Variants in CAPN1 observed in about 807,000 individuals in gnomAD.
CAPN1 encodes the protein calpain 1, also known as calpain-1 catalytic subunit.
A neutral mutation model predicts 105.2 loss-of-function variants in CAPN1; 77 were observed. That is an observed-to-expected ratio of 0.73 (90% CI 0.61 to 0.88). CAPN1 has a LOEUF of 0.88. Ranked by LOEUF, CAPN1 falls within the 40% of genes least tolerant of loss-of-function variation. The pLI is 0.00. For synonymous variants in CAPN1, 355 were observed against 388.8 expected (o/e 0.91, Z 1.02); for missense variants, 833 against 976.6 (o/e 0.85, Z 1.96).
chr11:65,203,012 C>T (rs1191735479), intron 10 of CAPN1, among the ~76,000 whole-genome samples: 1 of 152,120 alleles, frequency 6.6e-6, no homozygotes, highest in African/African-American at 2.4e-5. Flanking sequence ...TGGCCTTTTT[C>T]ATTTAGCATA....
intron 10 of CAPN1, among the ~76,000 whole-genome samples, chr11:65,190,658 C>T (rs1196925175): frequency 6.6e-6 from 1 of 152,038 alleles, no homozygotes; most frequent in Non-Finnish European, 1.5e-5. Context: ...TTGGACAGGG[C>T]AAATTCCTTC....
At chr11:65,197,688 A>C (rs1274313954) in intron 10 of CAPN1, among the ~76,000 whole-genome samples, 1 of 152,100 alleles carries the variant, frequency 6.6e-6, no homozygotes, top group Non-Finnish European at 1.5e-5. Flanking sequence ...GGAGTTCGAG[A>C]CCAGCCTGGC....
intron 10 of CAPN1, 150 bp from the exon 11 acceptor site, chr11:65,204,533 C>A: frequency 1.4e-6 from 1 of 731,652 alleles, no homozygotes; most frequent in Non-Finnish European, 2.2e-6. Context: ...CGAGCCTGGC[C>A]CAGCCTGCCC....
chr11:65,183,545 C>A lies in CAPN1; in HGVS notation c.409C>A (p.His137Asn), dbSNP rs771575994. ...NDTLLHRVVPHGQSFQNGYAG... is the reference protein window; with the variant it reads ...NDTLLHRVVPNGQSFQNGYAG... Reference sequence around the variant, plus strand: ...CACCCTCCTGCACCGAGTGGTTCCGCACGGCCAGAGCTTCCAGAATGGCTA... The same window carrying A: ...CACCCTCCTGCACCGAGTGGTTCCGAACGGCCAGAGCTTCCAGAATGGCTA... Residue 137 changes from histidine (H) to asparagine (N), a missense_variant, in exon 4 of 22, where the codon CAC becomes AAC. His to Asn is a moderately conservative substitution (Grantham distance 68). Coordinates refer to ENST00000279247, the MANE Select transcript of CAPN1 (RefSeq NM_005186.4). The A allele has an allele frequency of 1.9e-5, 30 of 1,613,810 alleles. No homozygotes were observed. In the Admixed American group the frequency reaches 4.3e-4, roughly 23 times the overall value.
rs1440292016 is a variant in CAPN1, at chr11:65,186,436, C to T, written c.759+98C>T. On this transcript the variant is annotated intron_variant, in intron 6 of 21. Transcript: ENST00000279247. Reference sequence around the variant, plus strand: ...CCCCACCCAGGCTCCGCTCCAGACCCTGTCCTGCACTTAAGCTTCATCTCT... The same window carrying T: ...CCCCACCCAGGCTCCGCTCCAGACCTTGTCCTGCACTTAAGCTTCATCTCT... 3.8e-6 allele frequency: 4 copies of T among 1,056,078 alleles called. No individual in the cohort carries two copies. The African/African-American group carries it at 6.4e-5, about 17-fold the overall frequency. 65.4% of individuals were successfully genotyped at this position (1,056,078 alleles called of 1,614,324 possible). A position where few individuals can be genotyped will look rare whatever the true frequency, so the allele number is the denominator to read the frequency against.
In CAPN1 at chr11:65,211,488, G is replaced by A. The variant is rs1949049186; in HGVS notation, c.*202G>A. 3.3e-6 allele frequency: 2 copies of A among 602,698 alleles called. No individual in the cohort carries two copies. The highest frequency in any genetic ancestry group is 5.2e-5 in the Admixed American group (2 of 38,658). 37.3% of individuals were successfully genotyped at this position (602,698 alleles called of 1,614,324 possible). ...AACTGTGTGGCCCCTGCCTGTGCCA[G>A]CCATGGGCTCGGGATGGACTCCCTG... On this transcript the variant is annotated 3_prime_UTR_variant, in exon 22 of 22. Coordinates refer to ENST00000279247, the MANE Select transcript of CAPN1 (RefSeq NM_005186.4).
In CAPN1 at chr11:65,187,231, A is replaced by G; in HGVS notation, c.776A>G (p.Asp259Gly). 1 of 1,613,052 alleles carries G rather than the reference A, an allele frequency of 6.2e-7. No individual in the cohort carries two copies. The highest frequency in any genetic ancestry group is 8.5e-7 in the Non-Finnish European group (1 of 1,179,464). Residue 259 changes from aspartate to glycine, a missense_variant, in exon 7 of 22, where the codon GAC (aspartate) becomes GGC (glycine). Physicochemically the swap from Asp to Gly is moderately conservative, Grantham distance 94. Coordinates refer to ENST00000279247, the MANE Select transcript of CAPN1 (RefSeq NM_005186.4). ...TTTCTGCAGATCTCCAGCGTTCTAG[A>G]CATGGAGGCCATCACTTTCAAGAAG... Reference protein sequence around the residue: ...GCSIDISSVLDMEAITFKKLV... With the variant: ...GCSIDISSVLGMEAITFKKLV...
Position 65,186,204 on chromosome 11 carries a change from A to C in CAPN1, c.625A>C (p.Ser209Arg), listed in dbSNP as rs1029669932. 6.2e-7 allele frequency: 1 copy of C among 1,613,582 alleles called. No homozygotes were observed. ...NGSYEALSGG[S>R]TSEGFEDFTG... is the part of the protein sequence containing the mutation. ...CAGCTACGAGGCCCTGTCAGGGGGC[A>C]GCACCTCAGAGGGCTTTGAGGACTT... The change falls in exon 6 of 22, where the codon AGC becomes CGC. Residue 209 changes from serine (S) to arginine (R), a missense_variant. Ser to Arg is a moderately radical substitution (Grantham distance 110). Transcript: ENST00000279247.
intron 6 of CAPN1, among the ~76,000 whole-genome samples, chr11:65,186,554 C>A (rs1387977279): frequency 6.6e-6 from 1 of 152,118 alleles, no homozygotes; most frequent in African/African-American, 2.4e-5. Flanking sequence ...AAACTTCACA[C>A]CTCAGCTCTT....
intron 10 of CAPN1, among the ~76,000 whole-genome samples, chr11:65,201,089 T>C (rs2957876): frequency 0.016 from 2,425 of 150,698 alleles, 55 homozygotes; most frequent in African/African-American, 0.055. Context: ...GGACTACAGG[T>C]GCCCACCACC....
intron 10 of CAPN1, among the ~76,000 whole-genome samples, chr11:65,199,394 C>T (rs944813370): frequency 1.3e-5 from 2 of 152,108 alleles, no homozygotes; most frequent in Admixed American, 6.5e-5. Context: ...CTATACGATT[C>T]ACCATGATGT....
chr11:65,182,791 C>T lies in CAPN1; in HGVS notation c.90C>T (p.Arg30=). 6.3e-7 allele frequency: 1 copy of T among 1,583,954 alleles called. No individual in the cohort carries two copies. The highest frequency in any genetic ancestry group is 8.6e-7 in the Non-Finnish European group (1 of 1,165,600). The change falls in exon 2 of 22, where the codon CGC becomes CGT. Residue 30 remains arginine (R), a synonymous_variant. Transcript: ENST00000279247. The stretch of plus-strand genomic sequence containing the variant: ...GGGCCAGGGAGCTGGGCCTGGGCCG[C>T]CATGAGAATGCCATCAAGTACCTGG... ...KQRARELGLG[R]HENAIKYLGQ... is the part of the protein sequence containing the mutation.
In CAPN1 at chr11:65,205,617, C is replaced by G. The variant is rs938579007; in HGVS notation, c.1342-93C>G. The G allele has an allele frequency of 4.0e-6, 5 of 1,258,044 alleles. No individual in the cohort carries two copies. In the Admixed American group the frequency reaches 6.8e-5, roughly 17 times the overall value. The allele number at this position is 1,258,044 out of a possible 1,614,324, so 77.9% of individuals were successfully genotyped here. A position where few individuals can be genotyped will look rare whatever the true frequency, so the allele number is the denominator to read the frequency against. On this transcript the variant is annotated intron_variant, in intron 11 of 21. Transcript: ENST00000279247. Reference sequence around the variant, plus strand: ...TTCTGCCTCCTTATCCCATCAGTCCCGTCTAAGAACTCAAGACCTCTGCCC... The same window carrying G: ...TTCTGCCTCCTTATCCCATCAGTCCGGTCTAAGAACTCAAGACCTCTGCCC...
Position 65,183,180 on chromosome 11 carries a change from T to A in CAPN1, c.320T>A (p.Ile107Asn). 1 of 1,613,896 alleles carries A rather than the reference T, an allele frequency of 6.2e-7. No homozygotes were observed. The highest frequency in any genetic ancestry group is 8.5e-7 in the Non-Finnish European group (1 of 1,179,830). ...FIVDGATRTD[I>N]CQGALGDCWL... Reference sequence around the variant, plus strand: ...GTGGATGGAGCTACCCGCACAGACATCTGCCAGGGAGCACTGGGTAGGCCC... The same window carrying A: ...GTGGATGGAGCTACCCGCACAGACAACTGCCAGGGAGCACTGGGTAGGCCC... The change falls in exon 3 of 22, where the codon ATC becomes AAC. Residue 107 changes from isoleucine (I) to asparagine (N), a missense_variant. Coordinates refer to ENST00000279247, the MANE Select transcript of CAPN1 (RefSeq NM_005186.4).
intron 1 of CAPN1, 177 bp from the exon 2 acceptor site, chr11:65,182,524 C>T (rs762261717): frequency 3.2e-6 from 2 of 617,760 alleles, no homozygotes. Flanking sequence ...TTCCTGGATT[C>T]ACTGGGAGCA....
intron 10 of CAPN1, among the ~76,000 whole-genome samples, chr11:65,200,927 C>A (rs1458996045): frequency 1.5e-5 from 2 of 137,518 alleles, no homozygotes; most frequent in Non-Finnish European, 1.5e-5. Context: ...TGCCACCATG[C>A]CTGGCTTTTT....
chr11:65,208,047 C>G lies in CAPN1; in HGVS notation c.1606-8C>G, dbSNP rs940530702. ...TCTCTTACCTGCTTTCTCCCCTTCTCGGTCCAGCAAGTGCTCTCAGAAGAG... is the reference window on the plus strand; with the variant it reads ...TCTCTTACCTGCTTTCTCCCCTTCTGGGTCCAGCAAGTGCTCTCAGAAGAG... On this transcript the variant is annotated splice_region_variant and splice_polypyrimidine_tract_variant and intron_variant, in intron 14 of 21. Transcript: ENST00000279247. This position sits in a 1 kb window ranked among gnomAD's most constrained non-coding sequence, Gnocchi z 4.1. The G allele has an allele frequency of 5.1e-6, 8 of 1,583,682 alleles. No individual in the cohort carries two copies. Among genetic ancestry groups the G allele is most frequent in the Middle Eastern group, 1.8e-4 (1 of 5,560 alleles).
At position 65,204,848 on chromosome 11, in the gene CAPN1, C is replaced by T. The variant is rs1443477591; in HGVS notation, c.1331C>T (p.Ala444Val). ...CGCGACATGGAGACTATTGGCTTCG[C>T]GGTCTACGAGGTCAGGAGGGTGGAT... ...FGRDMETIGFAVYEVPPELVG... is the reference protein window; with the variant it reads ...FGRDMETIGFVVYEVPPELVG... Residue 444 changes from alanine (A) to valine (V), a missense_variant, in exon 11 of 22, where the codon GCG becomes GTG. Ala to Val is a moderately conservative substitution (Grantham distance 64). Coordinates refer to ENST00000279247, the MANE Select transcript of CAPN1 (RefSeq NM_005186.4). 2 of 1,608,194 alleles carry T rather than the reference C, an allele frequency of 1.2e-6. No homozygotes were observed. The highest frequency in any genetic ancestry group is 1.7e-6 in the Non-Finnish European group (2 of 1,176,440).
At chr11:65,204,985 C>T (rs983951788) in intron 11 of CAPN1, 127 bp downstream of exon 11, 74 of 730,342 alleles carry the variant, frequency 1.0e-4, no homozygotes, top group Middle Eastern at 3.8e-4. Flanking sequence ...AAATTCCCCT[C>T]CACTCCCCCC....
Sources: gnomAD v4.1 joint callset for allele counts (sites outside exome capture counted in the v4.1 genomes callset) on GRCh38, gnomAD v4.1.1 for gene constraint, Gnocchi (gnomAD v3.1) non-coding constraint, MANE v1.5 for transcripts, NCBI Gene and HGNC (gene_info 2026-07-23, HGNC 2026-07-21) for gene names.